SAMD8: variants seen among roughly 807,000 people sequenced by gnomAD.
SAMD8 encodes sterile alpha motif domain containing 8, also known as sphingomyelin synthase-related protein 1.
In SAMD8, 20 loss-of-function variants were observed where a neutral mutation model predicts 42.0. The ratio of observed to expected loss-of-function variants is 0.48; its 90% CI spans 0.34 to 0.69. The LOEUF (loss-of-function observed/expected upper bound fraction) is 0.69, where lower values mean the gene tolerates loss of function less well. Among genes scored for constraint, SAMD8 ranks in the 30% least tolerant of loss-of-function variants. The probability of loss-of-function intolerance (pLI) is 0.01; values close to 1 mark genes in which losing one functional copy is unlikely to be tolerated. For synonymous variants in SAMD8, 162 were observed against 173.0 expected (o/e 0.94, Z 0.50); for missense variants, 328 against 511.6 (o/e 0.64, Z 3.46).
chr10:75,107,999 C>T (rs767736769), upstream of SAMD8: 19 of 1,611,740 alleles, frequency 1.2e-5, no homozygotes, highest in Middle Eastern at 1.6e-4. Context: ...TACCCCCAGG[C>T]GTGTTGAGGG....
chr10:75,107,154 G>T (rs1017610603), upstream of SAMD8, among the ~76,000 whole-genome samples: 2 of 152,196 alleles, frequency 1.3e-5, no homozygotes, highest in African/African-American at 4.8e-5. Flanking sequence ...TCGCCAACAT[G>T]GTGAAACCCT....
intron 1 of SAMD8, among the ~76,000 whole-genome samples, chr10:75,131,728 C>T (rs1283619416): frequency 6.6e-6 from 1 of 152,086 alleles, no homozygotes; most frequent in African/African-American, 2.4e-5. Context: ...ATTAACTCAT[C>T]CTTTAGCTCC....
At chr10:75,155,150 C>T (rs1387622494) in intron 2 of SAMD8, among the ~76,000 whole-genome samples, 1 of 152,070 alleles carries the variant, frequency 6.6e-6, no homozygotes, top group Non-Finnish European at 1.5e-5. Flanking sequence ...TCCCTGCCTC[C>T]CAAAGCACTG....
rs189825375 is a variant in SAMD8, at chr10:75,172,643, G to A, written c.793-3423G>A. The stretch of plus-strand genomic sequence containing the variant: ...CTCCCAAGTAACTGGGATCACAGGC[G>A]CCTGCCACCACACCCAGCTAATTTT... On this transcript the variant is annotated intron_variant, in intron 4 of 5. Coordinates refer to ENST00000542569, the MANE Select transcript of SAMD8 (RefSeq NM_001174156.2). 1.8e-4 allele frequency among the ~76,000 whole-genome samples: 27 copies of A among 152,060 alleles called. No individual in the cohort carries two copies. In the East Asian group the frequency reaches 5.0e-3, roughly 28 times the overall value.
upstream of SAMD8, chr10:75,111,563 T>TCGCCAC: frequency 1.6e-6 from 2 of 1,248,048 alleles, no homozygotes; most frequent in Non-Finnish European, 2.0e-6. Context: ...CTGCGCGCAG[T>TCGCCAC]CGCCACCGCC....
chr10:75,111,694 G>C lies in SAMD8; in HGVS notation c.-44G>C, dbSNP rs1427811755. 1 of 1,235,722 alleles carries C rather than the reference G, an allele frequency of 8.1e-7. No homozygotes were observed. The highest frequency in any genetic ancestry group is 4.2e-5 in the Admixed American group (1 of 23,700). The allele number at this position is 1,235,722 out of a possible 1,614,324, so 76.5% of individuals were successfully genotyped here. A position where few individuals can be genotyped will look rare whatever the true frequency, so the allele number is the denominator to read the frequency against. ...GGCTCGGACGCCGACTCGGAGGTGG[G>C]TCCGGGGAGCCCGACTCGGACCGCG... On this transcript the variant is annotated 5_prime_UTR_variant, in exon 1 of 6. Coordinates refer to ENST00000542569, the MANE Select transcript of SAMD8 (RefSeq NM_001174156.2).
intron 1 of SAMD8, among the ~76,000 whole-genome samples, chr10:75,149,559 A>G (rs1840231526): frequency 6.6e-6 from 1 of 152,208 alleles, no homozygotes; most frequent in Non-Finnish European, 1.5e-5. Flanking sequence ...AAGGCTTCAT[A>G]TCTGTTATAG....
At chr10:75,165,072 C>T (rs1840643478) in intron 3 of SAMD8, among the ~76,000 whole-genome samples, 1 of 151,610 alleles carries the variant, frequency 6.6e-6, no homozygotes, top group African/African-American at 2.4e-5. Context: ...AGGCGGATCA[C>T]CTGAGGTTAG....
At chr10:75,158,868 G>A (rs1215357088) in intron 2 of SAMD8, among the ~76,000 whole-genome samples, 6 of 151,938 alleles carry the variant, frequency 3.9e-5, no homozygotes, top group Middle Eastern at 3.2e-3. Flanking sequence ...AGATTCATCC[G>A]TACTGTAGCA....
chr10:75,124,917 G>C (rs1373184552), intron 1 of SAMD8, among the ~76,000 whole-genome samples: 1 of 151,554 alleles, frequency 6.6e-6, no homozygotes, highest in African/African-American at 2.4e-5. Flanking sequence ...GCACATGCCA[G>C]CACAGCCAGC....
intron 4 of SAMD8, among the ~76,000 whole-genome samples, chr10:75,168,899 G>A (rs1316401022): frequency 6.6e-6 from 1 of 152,118 alleles, no homozygotes; most frequent in South Asian, 2.1e-4. Flanking sequence ...TCGGCCGGGC[G>A]CAGTGGCTCA....
intron 2 of SAMD8, among the ~76,000 whole-genome samples, chr10:75,162,605 C>T (rs963017313): frequency 1.6e-4 from 23 of 147,152 alleles, no homozygotes; most frequent in African/African-American, 5.3e-4. Context: ...GCCGAGATCG[C>T]GCCATTGCAC....
chr10:75,138,411 G>T, intron 1 of SAMD8, among the ~76,000 whole-genome samples: 1 of 152,144 alleles, frequency 6.6e-6, no homozygotes, highest in Non-Finnish European at 1.5e-5. Flanking sequence ...CAGTTAATGG[G>T]CTGATTGTGC....
chr10:75,124,428 C>A (rs1468812791), intron 1 of SAMD8, among the ~76,000 whole-genome samples: 1 of 152,062 alleles, frequency 6.6e-6, no homozygotes, highest in African/African-American at 2.4e-5. Flanking sequence ...GTCTGGCCAA[C>A]GTGGTGAAAC....
chr10:75,168,434 T>A, intron 3 of SAMD8, 107 bp from the exon 4 acceptor site: 1 of 1,528,100 alleles, frequency 6.5e-7, no homozygotes, highest in Non-Finnish European at 8.8e-7. Flanking sequence ...CTTCAAAGAG[T>A]CTAGTGATTT....
At chr10:75,111,506 G>C, upstream of SAMD8, 1 of 1,227,718 alleles carries the variant, frequency 8.1e-7, no homozygotes, top group Non-Finnish European at 1.0e-6. Context: ...TTCCGGTTCG[G>C]CTCCGAGCAG....
chr10:75,134,879 A>G (rs1849353459), intron 1 of SAMD8, among the ~76,000 whole-genome samples: 1 of 151,742 alleles, frequency 6.6e-6, no homozygotes, highest in Non-Finnish European at 1.5e-5. Flanking sequence ...CAACATAGTG[A>G]GACCCTGTCT....
intron 1 of SAMD8, among the ~76,000 whole-genome samples, chr10:75,149,709 G>A (rs1042670283): frequency 2.0e-5 from 3 of 151,868 alleles, no homozygotes; most frequent in South Asian, 2.1e-4. Context: ...TTCAGAAATC[G>A]GATTTTTTTC....
At chr10:75,169,008 T>C (rs893586996) in intron 4 of SAMD8, among the ~76,000 whole-genome samples, 1 of 150,214 alleles carries the variant, frequency 6.7e-6, no homozygotes, top group African/African-American at 2.4e-5. Flanking sequence ...CCGTCTCTAC[T>C]AAAAATACAA....
Sources: allele counts gnomAD v4.1 joint callset (sites outside exome capture counted in the v4.1 genomes callset), GRCh38; gene constraint gnomAD v4.1.1; transcripts MANE v1.5; gene names NCBI Gene and HGNC (gene_info 2026-07-23, HGNC 2026-07-21).